Variants in SF3A3 observed in about 807,000 individuals in gnomAD.
The protein encoded by SF3A3 is SAP 61.
A neutral mutation model predicts 85.8 loss-of-function variants in SF3A3; 9 were observed. That is an observed-to-expected ratio of 0.10 (90% CI 0.06 to 0.18). The LOEUF is 0.18. SF3A3 is among the 10% of genes least tolerant of loss of function. SF3A3 has a pLI of 1.00. For synonymous variants in SF3A3, 195 were observed against 204.4 expected (o/e 0.95, Z 0.39); for missense variants, 306 against 593.3 (o/e 0.52, Z 5.03).
At chr1:37,966,853 T>G (rs1316910211) in intron 15 of SF3A3, among the ~76,000 whole-genome samples, 5 of 126,034 alleles carry the variant, frequency 4.0e-5, no homozygotes, top group Admixed American at 3.1e-4. Flanking sequence ...GAGAATCGCT[T>G]GAACCCAGGA....
intron 15 of SF3A3, among the ~76,000 whole-genome samples, chr1:37,966,160 G>A (rs1646298300): frequency 6.6e-6 from 1 of 150,824 alleles, no homozygotes; most frequent in Non-Finnish European, 1.5e-5. Flanking sequence ...CTGAGATCAC[G>A]CTACTGCACT....
chr1:37,982,532 G>T (rs907625291), intron 6 of SF3A3, among the ~76,000 whole-genome samples: 1 of 151,654 alleles, frequency 6.6e-6, no homozygotes, highest in Non-Finnish European at 1.5e-5. Flanking sequence ...CACCATGCCC[G>T]GCTAATTTTT....
At chr1:37,959,957 C>CAA (rs34993722) in intron 16 of SF3A3, among the ~76,000 whole-genome samples, 163 bp downstream of exon 16, 1 of 97,340 alleles carries the variant, frequency 1.0e-5, no homozygotes, top group African/African-American at 4.0e-5. Context: ...GACTCCGTGT[C>CAA]AAAAAAAAAA....
At chr1:37,967,319 G>A (rs75815093) in intron 15 of SF3A3, among the ~76,000 whole-genome samples, 3,498 of 150,176 alleles carry the variant, frequency 0.023, 168 homozygotes, top group East Asian at 0.22. Flanking sequence ...TGAAGTGGGC[G>A]GATCACCTGA....
chr1:37,972,531 T>C (rs1267768074), intron 12 of SF3A3, among the ~76,000 whole-genome samples: 1 of 152,168 alleles, frequency 6.6e-6, no homozygotes, highest in African/African-American at 2.4e-5. Flanking sequence ...ACTTGAAAGT[T>C]CACATGGAAC....
chr1:37,975,191 C>G (rs1007821135), intron 12 of SF3A3, among the ~76,000 whole-genome samples: 1 of 152,116 alleles, frequency 6.6e-6, no homozygotes, highest in Non-Finnish European at 1.5e-5. Context: ...GTTGGAATTC[C>G]GAAGAGAATA....
At chr1:37,981,437 A>G (rs146748879) in intron 7 of SF3A3, among the ~76,000 whole-genome samples, 1 of 152,146 alleles carries the variant, frequency 6.6e-6, no homozygotes, top group African/African-American at 2.4e-5. Context: ...TTTTCCCATT[A>G]AACTCCAAAA....
intron 15 of SF3A3, among the ~76,000 whole-genome samples, chr1:37,964,310 G>A (rs1391071156): frequency 1.3e-5 from 2 of 152,020 alleles, no homozygotes; most frequent in Non-Finnish European, 2.9e-5. Flanking sequence ...GTAAGGCGTT[G>A]TGGAAAGAGG....
intron 7 of SF3A3, among the ~76,000 whole-genome samples, chr1:37,981,037 C>T (rs756416559): frequency 4.0e-5 from 6 of 151,612 alleles, no homozygotes; most frequent in Non-Finnish European, 7.4e-5. Context: ...TTAGCAGAGA[C>T]GGTGTTTCTC....
intron 14 of SF3A3, 108 bp downstream of exon 14, chr1:37,969,246 C>T (rs1377473575): frequency 1.3e-6 from 1 of 781,532 alleles, no homozygotes; most frequent in Non-Finnish European, 2.2e-6. Flanking sequence ...TCTCTGATTC[C>T]CTTCAGCTCT....
intron 1 of SF3A3, 131 bp from the exon 2 acceptor site, chr1:37,989,726 G>T: frequency 8.0e-7 from 1 of 1,250,266 alleles, no homozygotes. Context: ...TCCGGACCCC[G>T]GGAGGAGGTT....
At chr1:37,972,492 C>A (rs1049932999) in intron 12 of SF3A3, among the ~76,000 whole-genome samples, 3 of 152,026 alleles carry the variant, frequency 2.0e-5, no homozygotes, top group Admixed American at 6.6e-5. Context: ...CACAAGCTTA[C>A]CAATTTCTTC....
At chr1:37,979,854 T>C (rs1646404987) in intron 8 of SF3A3, among the ~76,000 whole-genome samples, 2 of 148,300 alleles carry the variant, frequency 1.3e-5, no homozygotes, top group East Asian at 2.0e-4. Context: ...ATGGAGACTT[T>C]GTCTCCCAAA....
chr1:37,969,486 C>G (rs1235698982), intron 13 of SF3A3, 22 bp from the exon 14 acceptor site: 1 of 1,613,048 alleles, frequency 6.2e-7, no homozygotes, highest in South Asian at 1.1e-5. Context: ...AAAAACAAAA[C>G]AAAACCAAGA....
chr1:37,961,311 A>T (rs1226802760), intron 15 of SF3A3, among the ~76,000 whole-genome samples: 1 of 152,128 alleles, frequency 6.6e-6, no homozygotes, highest in East Asian at 1.9e-4. Flanking sequence ...TTGGCCAGGC[A>T]CAGTGGCTCA....
At chr1:37,968,003 A>G in intron 15 of SF3A3, 41 bp downstream of exon 15, 2 of 1,281,216 alleles carry the variant, frequency 1.6e-6, no homozygotes, top group Non-Finnish European at 1.1e-6. Context: ...GAGTAGAGCC[A>G]TTTGTACTCG....
At chr1:37,960,211 C>T (rs764557735) in intron 15 of SF3A3, 36 bp from the exon 16 acceptor site, 4 of 1,594,062 alleles carry the variant, frequency 2.5e-6, no homozygotes, top group Admixed American at 1.7e-5. Flanking sequence ...TCAGGATGGA[C>T]TGAACATCTG....
chr1:37,989,068 G>A (rs1280445505), intron 2 of SF3A3, among the ~76,000 whole-genome samples: 1 of 151,944 alleles, frequency 6.6e-6, no homozygotes, highest in Non-Finnish European at 1.5e-5. Context: ...GAGGTAGGTG[G>A]ATCACGAGGT....
In SF3A3 at chr1:37,980,466, T is replaced by C. The variant is rs182487492; in HGVS notation, c.690+120A>G. On this transcript the variant is annotated intron_variant, in intron 8 of 16. Coordinates refer to ENST00000373019, the MANE Select transcript of SF3A3 (RefSeq NM_006802.4). Reference sequence around the variant, plus strand: ...AGCATACTTGGCAGGGAATACCTCATTGTCACAAGTGATACCAAGGAATTG... The same window carrying C: ...AGCATACTTGGCAGGGAATACCTCACTGTCACAAGTGATACCAAGGAATTG... 28 of 1,076,736 alleles carry C rather than the reference T, an allele frequency of 2.6e-5. No individual in the cohort carries two copies. The East Asian group carries it at 3.2e-4, about 12-fold the overall frequency. The allele number at this position is 1,076,736 out of a possible 1,614,324, so 66.7% of individuals were successfully genotyped here. A position where few individuals can be genotyped will look rare whatever the true frequency, so the allele number is the denominator to read the frequency against.
Sources: allele counts gnomAD v4.1 joint callset (sites outside exome capture counted in the v4.1 genomes callset), GRCh38; gene constraint gnomAD v4.1.1; transcripts MANE v1.5; gene names NCBI Gene and HGNC (gene_info 2026-07-23, HGNC 2026-07-21).